AKAP6: variants seen among roughly 807,000 people sequenced by gnomAD.
AKAP6 encodes A-kinase anchoring protein 6.
AKAP6 carries 58 observed loss-of-function variants against 188.5 expected under a neutral mutation model. The observed-to-expected ratio is 0.31, with a 90% CI of 0.25 to 0.38. The LOEUF (loss-of-function observed/expected upper bound fraction) is 0.38, where lower values mean the gene tolerates loss of function less well. Ranked by LOEUF, AKAP6 falls within the 10% of genes least tolerant of loss-of-function variation. The pLI is 1.00. For synonymous variants in AKAP6, 989 were observed against 998.6 expected, an observed-to-expected ratio of 0.99 and a Z score of 0.18; for missense variants, 2,710 against 2,740.0, an observed-to-expected ratio of 0.99 and a Z score of 0.24.
At chr14:32,795,652 G>A (rs1555363323) in intron 12 of AKAP6, among the ~76,000 whole-genome samples, 1 of 152,038 alleles carries the variant, frequency 6.6e-6, no homozygotes, top group Non-Finnish European at 1.5e-5. Flanking sequence ...AAAATAATAA[G>A]AGCCATTTAT....
intron 2 of AKAP6, among the ~76,000 whole-genome samples, chr14:32,457,838 TA>T (rs1891195127): frequency 6.6e-6 from 1 of 152,216 alleles, no homozygotes; most frequent in Non-Finnish European, 1.5e-5. Context: ...CATGCCAAAG[TA>T]AAAAATTTAA....
intron 7 of AKAP6, among the ~76,000 whole-genome samples, chr14:32,644,905 C>T (rs190070062): frequency 1.3e-5 from 2 of 152,268 alleles, no homozygotes; most frequent in East Asian, 3.9e-4. Context: ...AAAAAGCCAG[C>T]ATGATATTTC....
At chr14:32,660,708 A>G (rs926142373) in intron 7 of AKAP6, among the ~76,000 whole-genome samples, 3 of 152,026 alleles carry the variant, frequency 2.0e-5, no homozygotes. Context: ...CATGAATACT[A>G]TTTAAAACGT....
intron 2 of AKAP6, among the ~76,000 whole-genome samples, chr14:32,507,744 T>C (rs993544631): frequency 2.0e-5 from 3 of 152,222 alleles, no homozygotes; most frequent in African/African-American, 7.2e-5. Flanking sequence ...AGACAGGGCT[T>C]AAATTGGATC....
intron 2 of AKAP6, among the ~76,000 whole-genome samples, chr14:32,498,476 A>C (rs1225558434): frequency 1.3e-5 from 2 of 152,172 alleles, no homozygotes; most frequent in Non-Finnish European, 2.9e-5. Flanking sequence ...ATCTTAAGGC[A>C]TGACTTCTTT....
At chr14:32,672,285 C>T (rs145597151) in intron 7 of AKAP6, among the ~76,000 whole-genome samples, 3 of 152,182 alleles carry the variant, frequency 2.0e-5, no homozygotes, top group African/African-American at 7.2e-5. Flanking sequence ...AATAGCAAAG[C>T]AATTGTATTA....
At chr14:32,594,352 A>G (rs1315217976) in intron 5 of AKAP6, among the ~76,000 whole-genome samples, 1 of 152,172 alleles carries the variant, frequency 6.6e-6, no homozygotes, top group Non-Finnish European at 1.5e-5. Flanking sequence ...ATTTTATCAT[A>G]GATACAATTT....
chr14:32,587,961 GT>G (rs1885323350), intron 5 of AKAP6, among the ~76,000 whole-genome samples: 1 of 152,192 alleles, frequency 6.6e-6, no homozygotes, highest in Non-Finnish European at 1.5e-5. Context: ...GGGGTACATG[GT>G]AAAGGTGGAG....
intron 7 of AKAP6, among the ~76,000 whole-genome samples, chr14:32,636,548 G>A (rs74690248): frequency 1.3e-5 from 2 of 152,060 alleles, no homozygotes; most frequent in African/African-American, 2.4e-5. Flanking sequence ...GAGTGTGAGA[G>A]AGTGACATAT....
At chr14:32,442,705 G>A (rs975660298) in intron 2 of AKAP6, 5 of 152,042 alleles carry the variant, frequency 3.3e-5, no homozygotes, top group Non-Finnish European at 5.9e-5. Context: ...ATGAGGGTGG[G>A]GGGCTTATTT....
At chr14:32,800,382 G>A (rs749526652) in intron 12 of AKAP6, among the ~76,000 whole-genome samples, 1 of 151,506 alleles carries the variant, frequency 6.6e-6, no homozygotes, top group African/African-American at 2.4e-5. Flanking sequence ...AGCCTGGTCA[G>A]CAGAGTGAGA....
chr14:32,547,113 C>T, intron 4 of AKAP6, 114 bp downstream of exon 4: 1 of 1,037,006 alleles, frequency 9.6e-7, no homozygotes, highest in Non-Finnish European at 1.4e-6. Flanking sequence ...TTTGATAAAT[C>T]TGATTCTCCA....
chr14:32,830,242 A>ATCTGGATTT lies in AKAP6; in HGVS notation c.*439_*447dup. Reference sequence around the variant, plus strand: ...AGTACTTGACCAATTTCATGTATCAATCTGGATTTTTTTTTAACGGTATAA... The same window carrying ATCTGGATTT: ...AGTACTTGACCAATTTCATGTATCAATCTGGATTTTCTGGATTTTTTTTTAACGGTATAA... On this transcript the variant is annotated 3_prime_UTR_variant, in exon 14 of 14. Coordinates refer to ENST00000280979, the MANE Select transcript of AKAP6 (RefSeq NM_004274.5). 1 of 352,038 alleles carries ATCTGGATTT rather than the reference A, an allele frequency of 2.8e-6. No homozygotes were observed. The highest frequency in any genetic ancestry group is 5.1e-6 in the Non-Finnish European group (1 of 196,506). The allele number at this position is 352,038 out of a possible 1,614,324, so 21.8% of individuals were successfully genotyped here.
At chr14:32,491,140 T>A (rs1879992496) in intron 2 of AKAP6, among the ~76,000 whole-genome samples, 1 of 152,192 alleles carries the variant, frequency 6.6e-6, no homozygotes, top group South Asian at 2.1e-4. Flanking sequence ...TCTCCCTAAT[T>A]GCTTCATATG....
chr14:32,553,290 C>A (rs1310009318), intron 4 of AKAP6, among the ~76,000 whole-genome samples: 1 of 151,894 alleles, frequency 6.6e-6, no homozygotes, highest in African/African-American at 2.4e-5. Flanking sequence ...CCTGCCTCAG[C>A]CTCCCCAGTA....
intron 9 of AKAP6, among the ~76,000 whole-genome samples, chr14:32,725,405 A>G (rs1043638434): frequency 6.6e-6 from 1 of 152,230 alleles, no homozygotes; most frequent in African/African-American, 2.4e-5. Context: ...GACCTGACAA[A>G]TCACACACAG....
intron 2 of AKAP6, among the ~76,000 whole-genome samples, chr14:32,437,049 C>T (rs1890403199): frequency 6.6e-6 from 1 of 152,178 alleles, no homozygotes; most frequent in Non-Finnish European, 1.5e-5. Flanking sequence ...GATCCTGGCT[C>T]CTGTACTTTT....
chr14:32,634,175 G>A lies in AKAP6; in HGVS notation c.2730+33383G>A, dbSNP rs561131737. Among the ~76,000 whole-genome samples, 3 of 152,058 alleles carry A rather than the reference G, an allele frequency of 2.0e-5. No individual in the cohort carries two copies. In the South Asian group the frequency reaches 6.2e-4, roughly 32 times the overall value. On this transcript the variant is annotated intron_variant, in intron 7 of 13. Coordinates refer to ENST00000280979, the MANE Select transcript of AKAP6 (RefSeq NM_004274.5). ...CAGTGCCAACTAGCTGGGTAACCTT[G>A]AACAAGTTACTCAACCTATCTAAGC...
chr14:32,456,495 A>C (rs779579440), intron 2 of AKAP6, among the ~76,000 whole-genome samples: 3 of 152,202 alleles, frequency 2.0e-5, no homozygotes, highest in Non-Finnish European at 4.4e-5. Context: ...AAACATGCAA[A>C]ATTTTTTGTT....
Sources: allele counts gnomAD v4.1 joint callset (sites outside exome capture counted in the v4.1 genomes callset), GRCh38; gene constraint gnomAD v4.1.1; transcripts MANE v1.5; gene names NCBI Gene and HGNC (gene_info 2026-07-23, HGNC 2026-07-21).